ADAMTSL1: variants seen among roughly 807,000 people sequenced by gnomAD.
ADAMTSL1 encodes the protein ADAMTS like 1.
In ADAMTSL1, 126 loss-of-function variants were observed where a neutral mutation model predicts 201.8. That is an observed-to-expected ratio of 0.62 (90% CI 0.54 to 0.72). The LOEUF (loss-of-function observed/expected upper bound fraction) is 0.72. Among genes scored for constraint, ADAMTSL1 ranks in the 30% least tolerant of loss-of-function variants. ADAMTSL1 has a pLI of 0.00. For synonymous variants in ADAMTSL1, 1,121 were observed against 903.4 expected (o/e 1.24, Z -4.32); for missense variants, 2,679 against 2,277.8 (o/e 1.18, Z -3.59).
intron 1 of ADAMTSL1, among the ~76,000 whole-genome samples, chr9:18,092,792 C>A (rs1478671489): frequency 2.0e-5 from 3 of 152,150 alleles, no homozygotes; most frequent in Admixed American, 1.3e-4. Context: ...ATGAAATAGA[C>A]ATTTTTCAAA....
intron 1 of ADAMTSL1, among the ~76,000 whole-genome samples, chr9:18,126,001 C>CA (rs1825713841): frequency 1.3e-5 from 2 of 152,114 alleles, no homozygotes; most frequent in Non-Finnish European, 2.9e-5. Context: ...GAACATCATG[C>CA]CAGTAGGAAC....
chr9:18,187,526 TAAAA>T (rs1310225405), intron 2 of ADAMTSL1, among the ~76,000 whole-genome samples: 5 of 151,856 alleles, frequency 3.3e-5, no homozygotes, highest in African/African-American at 1.2e-4. Context: ...TGTTTTGGAA[TAAAA>T]AGAAAGAAAA....
At chr9:18,492,289 T>C (rs1483181894) in intron 1 of ADAMTSL1, among the ~76,000 whole-genome samples, 1 of 152,150 alleles carries the variant, frequency 6.6e-6, no homozygotes, top group Non-Finnish European at 1.5e-5. Context: ...CTGAAAAACA[T>C]CAAATAAAGC....
intron 3 of ADAMTSL1, among the ~76,000 whole-genome samples, chr9:18,553,634 A>G (rs1387256420): frequency 6.6e-6 from 1 of 151,604 alleles, no homozygotes; most frequent in Non-Finnish European, 1.5e-5. Flanking sequence ...GGTTTTCTGT[A>G]TTTTGTTTGT....
chr9:18,141,104 C>T (rs1390190204), intron 1 of ADAMTSL1, among the ~76,000 whole-genome samples: 1 of 152,120 alleles, frequency 6.6e-6, no homozygotes, highest in African/African-American at 2.4e-5. Context: ...TGACTGATGC[C>T]AAGCCCTGGG....
At chr9:18,342,760 A>G (rs565553405) in intron 2 of ADAMTSL1, among the ~76,000 whole-genome samples, 1 of 152,182 alleles carries the variant, frequency 6.6e-6, no homozygotes, top group Admixed American at 6.5e-5. Flanking sequence ...CTGAGTCTTC[A>G]TTTGCTTTAA....
At chr9:18,517,659 T>A (rs1009121910) in intron 2 of ADAMTSL1, among the ~76,000 whole-genome samples, 58 of 150,828 alleles carry the variant, frequency 3.8e-4, no homozygotes, top group Non-Finnish European at 4.4e-5. Context: ...ATGAGTGAGA[T>A]TATGCAGTGT....
rs535809945 is a variant in ADAMTSL1 at position 18,212,803 on chromosome 9, A to T, written c.207+48822A>T. Among the ~76,000 whole-genome samples, 4 of 152,306 alleles carry T rather than the reference A, an allele frequency of 2.6e-5. No individual in the cohort carries two copies. In the East Asian group the frequency reaches 7.7e-4, roughly 29 times the overall value. On this transcript the variant is annotated intron_variant, in intron 2 of 29. Coordinates refer to the ADAMTSL1 transcript ENST00000680146. ...CTTTTTGGTGTGGACGATAACCCTTAGGTCACACTGAGACTAGGTAAGATG... is the reference window on the plus strand; with the variant it reads ...CTTTTTGGTGTGGACGATAACCCTTTGGTCACACTGAGACTAGGTAAGATG...
chr9:18,269,845 C>CT (rs11376831), intron 2 of ADAMTSL1, among the ~76,000 whole-genome samples: 44,701 of 145,266 alleles, frequency 0.31, 7,342 homozygotes, highest in Admixed American at 0.48. Flanking sequence ...CCTCTTCATC[C>CT]TTTTTTTTTT....
At chr9:17,921,827 A>G (rs977322817) in intron 1 of ADAMTSL1, among the ~76,000 whole-genome samples, 1 of 152,158 alleles carries the variant, frequency 6.6e-6, no homozygotes, top group African/African-American at 2.4e-5. Context: ...AAACACAATA[A>G]TAACAGCTCT....
In ADAMTSL1 at chr9:18,815,711, C is replaced by CAAA. The variant is rs35926602; in HGVS notation, c.3806-1376_3806-1374dup. Among the ~76,000 whole-genome samples, 223 of 67,886 alleles carry CAAA rather than the reference C, an allele frequency of 3.3e-3. 2 individuals carry two copies. The highest frequency in any genetic ancestry group is 8.5e-3 in the African/African-American group (159 of 18,600). The allele number at this position is 67,886 out of a possible 152,430, so 44.5% of individuals were successfully genotyped here. A position where few individuals can be genotyped will look rare whatever the true frequency, so the allele number is the denominator to read the frequency against. ...TGCCAAAGCAAGACCAACCCTGTCTCAAAAAAAAAAAAAAAAAAAAAAAAG... is the reference window on the plus strand; with the variant it reads ...TGCCAAAGCAAGACCAACCCTGTCTCAAAAAAAAAAAAAAAAAAAAAAAAAAAG... On this transcript the variant is annotated intron_variant, in intron 20 of 28. Transcript: ENST00000380548.
chr9:18,088,905 A>C (rs1823884374), intron 1 of ADAMTSL1, among the ~76,000 whole-genome samples: 1 of 152,204 alleles, frequency 6.6e-6, no homozygotes, highest in South Asian at 2.1e-4. Context: ...AAAGATTTGA[A>C]ATCAGGATCT....
intron 16 of ADAMTSL1, among the ~76,000 whole-genome samples, chr9:18,770,090 G>A (rs180846937): frequency 6.6e-6 from 1 of 152,244 alleles, no homozygotes; most frequent in Admixed American, 6.5e-5. Flanking sequence ...TATTCCAGGG[G>A]GGTCCTTAAG....
intron 2 of ADAMTSL1, among the ~76,000 whole-genome samples, chr9:18,466,883 T>A (rs1821027141): frequency 1.3e-5 from 2 of 152,156 alleles, no homozygotes; most frequent in South Asian, 4.1e-4. Context: ...TACTCTGATT[T>A]TCCGTGGTTT....
chr9:17,945,544 C>T (rs201108980), intron 1 of ADAMTSL1, among the ~76,000 whole-genome samples: 13 of 151,932 alleles, frequency 8.6e-5, no homozygotes, highest in Non-Finnish European at 1.3e-4. Flanking sequence ...TTATTCACAA[C>T]AGCAAAGACT....
intron 2 of ADAMTSL1, among the ~76,000 whole-genome samples, chr9:18,255,088 A>T (rs1831629831): frequency 6.6e-6 from 1 of 152,136 alleles, no homozygotes; most frequent in African/African-American, 2.4e-5. Flanking sequence ...ACTTGTCTTC[A>T]TTTTTCCTCC....
At chr9:18,056,032 G>C (rs914388634) in intron 1 of ADAMTSL1, among the ~76,000 whole-genome samples, 2 of 152,108 alleles carry the variant, frequency 1.3e-5, no homozygotes, top group Non-Finnish European at 2.9e-5. Context: ...AGCAAAAACA[G>C]TTTCCTGGGA....
intron 2 of ADAMTSL1, among the ~76,000 whole-genome samples, chr9:18,310,632 A>G (rs1284882328): frequency 5.9e-5 from 9 of 152,186 alleles, no homozygotes; most frequent in Admixed American, 5.9e-4. Context: ...CATTAGAGAA[A>G]TGCAAGTCAA....
chr9:17,940,808 C>CCA lies in ADAMTSL1; in HGVS notation c.87+33887_87+33888insAC, dbSNP rs1554667542. ...AAAAATAAAAGTAAATAACACCCCC[C>CCA]CCCCAAAAAAAAGAAAGAAATAACG... On this transcript the variant is annotated intron_variant, in intron 1 of 29. Transcript: ENST00000680146. Among the ~76,000 whole-genome samples the CCA allele has an allele frequency of 6.3e-4, 40 of 63,928 alleles. 4 individuals carry two copies. Among genetic ancestry groups the CCA allele is most frequent in the African/African-American group, 2.1e-3 (38 of 17,906 alleles). The allele number at this position is 63,928 out of a possible 152,430, so 41.9% of individuals were successfully genotyped here.
Sources: allele counts gnomAD v4.1 joint callset (sites outside exome capture counted in the v4.1 genomes callset), GRCh38; gene constraint gnomAD v4.1.1; transcripts MANE v1.5; gene names NCBI Gene and HGNC (gene_info 2026-07-23, HGNC 2026-07-21).